Variants in MID1 observed in about 807,000 individuals in gnomAD.
MID1 encodes E3 ubiquitin-protein ligase Midline-1.
MID1 carries 7 observed loss-of-function variants against 40.4 expected under a neutral mutation model. The ratio of observed to expected loss-of-function variants is 0.17; its 90% confidence interval spans 0.10 to 0.33. The LOEUF (loss-of-function observed/expected upper bound fraction) is 0.33, where lower values mean the gene tolerates loss of function less well. Among genes scored for constraint, MID1 ranks in the 10% least tolerant of loss-of-function variants. The probability of loss-of-function intolerance (pLI) is 1.00; values close to 1 mark genes in which losing one functional copy is unlikely to be tolerated. For synonymous variants in MID1, 229 were observed against 221.2 expected (o/e 1.04, Z -0.31); for missense variants, 367 against 558.5 (o/e 0.66, Z 3.46).
intron 1 of MID1, among the ~76,000 whole-genome samples, chrX:10,587,217 A>G (rs761653027): frequency 8.9e-6 from 1 of 112,760 alleles, no homozygotes; most frequent in Admixed American, 9.3e-5. Flanking sequence ...GGACTAAAGT[A>G]TAAGTGCCAC....
chrX:10,506,511 A>C (rs1931849714), intron 3 of MID1: 7 of 516,929 alleles, frequency 1.4e-5, no homozygotes, highest in Non-Finnish European at 2.1e-5. Flanking sequence ...CAGAGTATTT[A>C]TGTAACATCT....
At chrX:10,487,107 G>A (rs780083403) in intron 4 of MID1, among the ~76,000 whole-genome samples, 6 of 111,694 alleles carry the variant, frequency 5.4e-5, no homozygotes, top group East Asian at 5.6e-4. Context: ...TGATCCTCTC[G>A]CCTTGGCCTC....
chrX:10,638,268 G>A (rs754123278), intron 1 of MID1, among the ~76,000 whole-genome samples: 11 of 111,913 alleles, frequency 9.8e-5, no homozygotes, highest in East Asian at 2.8e-4. Flanking sequence ...AAGGGAAGCC[G>A]TGACAGACAG....
chrX:10,714,104 G>T (rs2043285789), intron 1 of MID1, among the ~76,000 whole-genome samples: 1 of 112,056 alleles, frequency 8.9e-6, no homozygotes, highest in Admixed American at 9.5e-5. Context: ...ACTGTATTCA[G>T]AACACTTGGA....
At position 10,808,851 on chromosome X, in the gene MID1, C is replaced by T. The variant is rs1456505417; in HGVS notation, c.-187+24703G>A. On this transcript the variant is annotated intron_variant, in intron 1 of 10. Coordinates refer to the MID1 transcript ENST00000380785. ...AGAAGAAAACCTAGGCAATACTATTCAGGACATAGGCATGGGCAAGGACTT... is the reference window on the plus strand; with the variant it reads ...AGAAGAAAACCTAGGCAATACTATTTAGGACATAGGCATGGGCAAGGACTT... 3.6e-5 allele frequency among the ~76,000 whole-genome samples: 4 copies of T among 111,933 alleles called. No individual in the cohort carries two copies. The South Asian group carries it at 1.1e-3, about 32-fold the overall frequency.
At chrX:10,537,125 G>A (rs1215049382) in intron 2 of MID1, among the ~76,000 whole-genome samples, 1 of 110,704 alleles carries the variant, frequency 9.0e-6, no homozygotes, top group African/African-American at 3.3e-5. Context: ...TCTCTCACAC[G>A]CAAAAAAACA....
intron 9 of MID1, among the ~76,000 whole-genome samples, chrX:10,451,491 G>GTAAGCTTCTGGCTCCCTT (rs1420472293): frequency 9.0e-6 from 1 of 111,543 alleles, no homozygotes; most frequent in African/African-American, 3.3e-5. Context: ...CCAGGGTCCT[G>GTAAGCTTCTGGCTCCCTT]TAAGCTTCTG....
At chrX:10,757,091 C>T (rs921016501) in intron 1 of MID1, among the ~76,000 whole-genome samples, 1 of 111,918 alleles carries the variant, frequency 8.9e-6, no homozygotes, top group East Asian at 2.8e-4. Flanking sequence ...TCAGCCTCAG[C>T]TGGAGGGCTT....
At chrX:10,560,291 A>T (rs1934282852) in intron 2 of MID1, among the ~76,000 whole-genome samples, 3 of 111,296 alleles carry the variant, frequency 2.7e-5, no homozygotes, top group African/African-American at 9.8e-5. Flanking sequence ...AGCTAGAAGC[A>T]TTCCCTTTGA....
chrX:10,640,572 G>T (rs766215777), intron 1 of MID1, among the ~76,000 whole-genome samples: 35 of 111,067 alleles, frequency 3.2e-4, no homozygotes, highest in East Asian at 2.8e-3. Flanking sequence ...AATGGGAGAC[G>T]TTAACACCCC....
At position 10,448,220 on chromosome X, in the gene MID1, T is replaced by A. The variant is rs188893604; in HGVS notation, c.*1148A>T. On this transcript the variant is annotated 3_prime_UTR_variant, in exon 10 of 10. Transcript: ENST00000317552. The stretch of plus-strand genomic sequence containing the variant: ...ATAAAGGTCTGTTTATAATAACTTT[T>A]GAGGCATGAATCTAGCAAATAGTAC... The A allele has an allele frequency of 3.6e-4, 40 of 111,171 alleles. No individual in the cohort carries two copies. Among genetic ancestry groups the A allele is most frequent in the African/African-American group, 1.2e-3 (37 of 30,541 alleles). 9.2% of individuals were successfully genotyped at this position (111,171 alleles called of 1,213,427 possible). A position where few individuals can be genotyped will look rare whatever the true frequency, so the allele number is the denominator to read the frequency against.
At chrX:10,608,746 T>C (rs1184347416) in intron 1 of MID1, among the ~76,000 whole-genome samples, 1 of 111,880 alleles carries the variant, frequency 8.9e-6, no homozygotes, top group Admixed American at 9.4e-5. Context: ...AGTGGTAGAG[T>C]TGTTTTAAAG....
intron 9 of MID1, among the ~76,000 whole-genome samples, chrX:10,450,746 C>CA (rs759007564): frequency 2.7e-5 from 3 of 111,983 alleles, no homozygotes; most frequent in East Asian, 2.8e-4. Context: ...TCTTGCTGCT[C>CA]AAAAAAATCC....
At chrX:10,684,718 T>C (rs1333117425) in intron 1 of MID1, among the ~76,000 whole-genome samples, 1 of 111,702 alleles carries the variant, frequency 9.0e-6, no homozygotes, top group Non-Finnish European at 1.9e-5. Flanking sequence ...CAATTGTGTC[T>C]TTTTCTAAGT....
At chrX:10,639,926 G>A (rs1936168945) in intron 1 of MID1, among the ~76,000 whole-genome samples, 3 of 111,455 alleles carry the variant, frequency 2.7e-5, no homozygotes, top group Non-Finnish European at 3.8e-5. Context: ...AGCTTCATAA[G>A]TGAAGGAGAA....
intron 1 of MID1, among the ~76,000 whole-genome samples, chrX:10,612,681 T>G (rs2147534293): frequency 8.9e-6 from 1 of 112,824 alleles, no homozygotes; most frequent in East Asian, 2.8e-4. Flanking sequence ...ATGTAGTCTT[T>G]CCTGAGTTGC....
intron 1 of MID1, among the ~76,000 whole-genome samples, chrX:10,646,717 C>T (rs748554907): frequency 9.0e-6 from 1 of 111,553 alleles, no homozygotes; most frequent in South Asian, 3.8e-4. Flanking sequence ...TATTCTTTGT[C>T]AATTAGGTTT....
chrX:10,815,560 C>A (rs1245148852), intron 1 of MID1, among the ~76,000 whole-genome samples: 1 of 112,374 alleles, frequency 8.9e-6, no homozygotes, highest in African/African-American at 3.2e-5. Flanking sequence ...ACAGCATGGG[C>A]AAGTGACAAG....
At chrX:10,479,367 T>G (rs1930193058) in intron 5 of MID1, among the ~76,000 whole-genome samples, 1 of 111,582 alleles carries the variant, frequency 9.0e-6, no homozygotes, top group African/African-American at 3.3e-5. Flanking sequence ...TTTTTAAGTT[T>G]TTTTTTAAAC....
Sources: allele counts gnomAD v4.1 joint callset (sites outside exome capture counted in the v4.1 genomes callset), GRCh38; gene constraint gnomAD v4.1.1; transcripts MANE v1.5; gene names NCBI Gene and HGNC (gene_info 2026-07-23, HGNC 2026-07-21).